The following ZBTB46 variants were observed in gnomAD, a reference collection of about 807,000 sequenced individuals.
The protein encoded by ZBTB46 is zinc finger and BTB domain-containing protein 46.
ZBTB46 carries 8 observed loss-of-function variants against 44.1 expected under a neutral mutation model. The observed-to-expected ratio is 0.18, with a 90% CI of 0.11 to 0.33. The LOEUF (loss-of-function observed/expected upper bound fraction) is 0.33. Ranked by LOEUF, ZBTB46 falls within the 10% of genes least tolerant of loss-of-function variation. ZBTB46 has a pLI of 1.00. For synonymous variants in ZBTB46, 409 were observed against 382.3 expected, an observed-to-expected ratio of 1.07 and a Z score of -0.81; for missense variants, 651 against 847.7, an observed-to-expected ratio of 0.77 and a Z score of 2.88.
intron 2 of ZBTB46, among the ~76,000 whole-genome samples, chr20:63,786,491 GTTTGT>G (rs2145912105): frequency 6.6e-6 from 1 of 152,128 alleles, no homozygotes; most frequent in Non-Finnish European, 1.5e-5. Context: ...GCTGTTTTTT[GTTTGT>G]TTTGAGGTTT....
At chr20:63,751,953 C>T (rs898225960) in intron 4 of ZBTB46, among the ~76,000 whole-genome samples, 1 of 152,132 alleles carries the variant, frequency 6.6e-6, no homozygotes, top group African/African-American at 2.4e-5. Flanking sequence ...TGCTCCAGAG[C>T]CTCTTCCGCC....
rs112343200 is a variant in ZBTB46, at chr20:63,762,679, A to AACAAAC, written c.1223-9819_1223-9818insGTTTGT. ...AAACAAACAAACAAACAAACAAACAAAAAAAAAACCAACTGAGCTGTTAGG... is the reference window on the plus strand; with the variant it reads ...AAACAAACAAACAAACAAACAAACAAACAAACAAAAAAAACCAACTGAGCTGTTAGG... On this transcript the variant is annotated intron_variant, in intron 3 of 4. Transcript: ENST00000245663. Among the ~76,000 whole-genome samples, 151 of 143,932 alleles carry AACAAAC rather than the reference A, an allele frequency of 1.0e-3. 1 individual carries two copies. The South Asian group carries it at 0.012, about 12-fold the overall frequency. 94.4% of individuals were successfully genotyped at this position (143,932 alleles called of 152,430 possible).
At chr20:63,778,874 G>C (rs1321092879) in intron 2 of ZBTB46, among the ~76,000 whole-genome samples, 1 of 152,184 alleles carries the variant, frequency 6.6e-6, no homozygotes, top group Non-Finnish European at 1.5e-5. Flanking sequence ...AATACCACAG[G>C]CAGGGCGGCT....
At chr20:63,781,170 A>C (rs1219889982) in intron 2 of ZBTB46, among the ~76,000 whole-genome samples, 1 of 151,688 alleles carries the variant, frequency 6.6e-6, no homozygotes. Flanking sequence ...AAAAGAAAGA[A>C]AAAAGGAGCC....
At chr20:63,750,443 T>C (rs2092149861) in intron 4 of ZBTB46, among the ~76,000 whole-genome samples, 1 of 151,996 alleles carries the variant, frequency 6.6e-6, no homozygotes, top group Non-Finnish European at 1.5e-5. Flanking sequence ...CTCGCAATTT[T>C]GCCCAGGCTG....
intron 1 of ZBTB46, among the ~76,000 whole-genome samples, chr20:63,821,326 A>T (rs1285562351): frequency 2.0e-5 from 3 of 147,398 alleles, no homozygotes; most frequent in South Asian, 2.2e-4. Context: ...TACTATTATT[A>T]TTTTTTATTT....
At position 63,767,299 on chromosome 20, in the gene ZBTB46, G is replaced by A. The variant is rs1301274196; in HGVS notation, c.1222+8379C>T. Reference sequence around the variant, plus strand: ...TGAAAGCCCCCCGTCCCCACACATTGGCAATCCCGTAGGATCTCGGTCATC... The same window carrying A: ...TGAAAGCCCCCCGTCCCCACACATTAGCAATCCCGTAGGATCTCGGTCATC... On this transcript the variant is annotated intron_variant, in intron 3 of 4. Coordinates refer to ENST00000245663, the MANE Select transcript of ZBTB46 (RefSeq NM_001369741.1). The surrounding 1 kb of genome is among the most constrained non-coding windows in gnomAD (Gnocchi z 5.0). Among the ~76,000 whole-genome samples the A allele has an allele frequency of 6.6e-6, 1 of 151,796 alleles. No homozygotes were observed. Among genetic ancestry groups the A allele is most frequent in the Non-Finnish European group, 1.5e-5 (1 of 67,972 alleles).
At chr20:63,774,943 T>G (rs1211034091) in intron 3 of ZBTB46, among the ~76,000 whole-genome samples, 2 of 152,182 alleles carry the variant, frequency 1.3e-5, no homozygotes, top group African/African-American at 4.8e-5. Flanking sequence ...GACCTCGTGG[T>G]CTGCCCGCCT....
At chr20:63,777,150 T>TA (rs945081709) in intron 2 of ZBTB46, among the ~76,000 whole-genome samples, 4 of 150,708 alleles carry the variant, frequency 2.7e-5, no homozygotes, top group African/African-American at 9.8e-5. Context: ...CACGCCACGG[T>TA]TCCAGCACAC....
intron 3 of ZBTB46, among the ~76,000 whole-genome samples, chr20:63,756,942 C>G (rs745401383): frequency 4.6e-5 from 7 of 152,238 alleles, no homozygotes; most frequent in Non-Finnish European, 8.8e-5. Flanking sequence ...ATGGCTCTTA[C>G]ATGTGTCTTT....
At chr20:63,819,679 C>T (rs987595148) in intron 1 of ZBTB46, among the ~76,000 whole-genome samples, 1 of 152,184 alleles carries the variant, frequency 6.6e-6, no homozygotes, top group African/African-American at 2.4e-5. Context: ...GTTACTGCAA[C>T]GTCTAGTGAA....
chr20:63,774,199 G>A (rs1013828772), intron 3 of ZBTB46, among the ~76,000 whole-genome samples: 5 of 151,864 alleles, frequency 3.3e-5, no homozygotes, highest in Non-Finnish European at 7.4e-5. Flanking sequence ...CGACGGACAC[G>A]GCTCCTCACT....
intron 1 of ZBTB46, among the ~76,000 whole-genome samples, chr20:63,808,976 CAAAAAAAAAAAAA>C (rs1157399042): frequency 2.7e-5 from 2 of 75,232 alleles, no homozygotes; most frequent in Non-Finnish European, 5.5e-5. Context: ...GACTCCGCTT[CAAAAAAAAAAAAA>C]AAAAAAAAAA....
intron 3 of ZBTB46, among the ~76,000 whole-genome samples, chr20:63,753,585 C>T (rs1484712988): frequency 6.6e-6 from 1 of 152,230 alleles, no homozygotes; most frequent in African/African-American, 2.4e-5. Context: ...TGGGCATGGG[C>T]CACTGAGAGA....
chr20:63,823,500 A>AT (rs1418882292), intron 1 of ZBTB46, among the ~76,000 whole-genome samples: 97 of 148,378 alleles, frequency 6.5e-4, no homozygotes, highest in African/African-American at 2.1e-3. Context: ...CCTGTCTCAA[A>AT]AAAATAAATA....
At chr20:63,777,872 C>T (rs1299927760) in intron 2 of ZBTB46, among the ~76,000 whole-genome samples, 5 of 152,124 alleles carry the variant, frequency 3.3e-5, no homozygotes, top group East Asian at 1.9e-4. Flanking sequence ...ACATGCTCAG[C>T]GGACGAAGCC....
chr20:63,752,900 G>C lies in ZBTB46; in HGVS notation c.1223-39C>G. The C allele has an allele frequency of 6.4e-7, 1 of 1,562,776 alleles. No individual in the cohort carries two copies. Among genetic ancestry groups the C allele is most frequent in the South Asian group, 1.2e-5 (1 of 86,030 alleles). ...ACCCGCGAGGCGTCAGCAGGGCTTG[G>C]GATGTACCGCCCTGCGGCCCACAGA... is the stretch of plus-strand genomic sequence containing the variant. On this transcript the variant is annotated intron_variant, in intron 3 of 4. Coordinates refer to ENST00000245663, the MANE Select transcript of ZBTB46 (RefSeq NM_001369741.1). The surrounding 1 kb of genome is among the most constrained non-coding windows in gnomAD (Gnocchi z 5.6).
At chr20:63,783,901 G>GTGTTCAGGAGGCGAAACAT (rs1305796881) in intron 2 of ZBTB46, among the ~76,000 whole-genome samples, 4 of 152,214 alleles carry the variant, frequency 2.6e-5, no homozygotes, top group Non-Finnish European at 5.9e-5. Flanking sequence ...GCTGTGAAAG[G>GTGTTCAGGAGGCGAAACAT]TGTTCAGGAG....
chr20:63,765,657 CAGGCTT>C (rs1367201619), intron 3 of ZBTB46, among the ~76,000 whole-genome samples: 2 of 152,074 alleles, frequency 1.3e-5, no homozygotes, highest in African/African-American at 4.8e-5. Context: ...CTTGAACTCT[CAGGCTT>C]AAGCAATCCT....
Sources: gnomAD v4.1 joint callset for allele counts (sites outside exome capture counted in the v4.1 genomes callset) on GRCh38, gnomAD v4.1.1 for gene constraint, Gnocchi (gnomAD v3.1) non-coding constraint, MANE v1.5 for transcripts, NCBI Gene and HGNC (gene_info 2026-07-23, HGNC 2026-07-21) for gene names.